The following UBR3 variants were observed in gnomAD, a reference collection of about 807,000 sequenced individuals.
UBR3 encodes ubiquitin protein ligase E3 component n-recognin 3, also known as E3 ubiquitin-protein ligase UBR3.
A neutral mutation model predicts 243.2 loss-of-function variants in UBR3; 85 were observed. That is an observed-to-expected ratio of 0.35 (90% CI 0.29 to 0.42). The LOEUF is 0.42. Ranked by LOEUF, UBR3 falls within the 10% of genes least tolerant of loss-of-function variation. The pLI is 1.00. For synonymous variants in UBR3, 748 were observed against 799.8 expected, an observed-to-expected ratio of 0.94 and a Z score of 1.09; for missense variants, 1,686 against 2,300.8, an observed-to-expected ratio of 0.73 and a Z score of 5.47.
At chr2:169,846,569 A>C (rs2082485666) in intron 1 of UBR3, among the ~76,000 whole-genome samples, 1 of 152,054 alleles carries the variant, frequency 6.6e-6, no homozygotes, top group Non-Finnish European at 1.5e-5. Flanking sequence ...AATTAGCCGG[A>C]CGTGGTGGCA....
At chr2:170,022,402 G>GA (rs992186695) in intron 30 of UBR3, among the ~76,000 whole-genome samples, 15 of 152,070 alleles carry the variant, frequency 9.9e-5, no homozygotes, top group African/African-American at 3.6e-4. Flanking sequence ...TCACATGGCA[G>GA]AAAAAACCTC....
In UBR3 at chr2:169,895,256, T is replaced by A; in HGVS notation, c.1181T>A (p.Phe394Tyr). 6.5e-7 allele frequency: 1 copy of A among 1,545,980 alleles called. No individual in the cohort carries two copies. Among genetic ancestry groups the A allele is most frequent in the South Asian group, 1.2e-5 (1 of 82,984 alleles). The change falls in exon 7 of 39, where the codon TTC becomes TAC. Residue 394 changes from phenylalanine to tyrosine, a missense_variant. Coordinates refer to ENST00000272793, the MANE Select transcript of UBR3 (RefSeq NM_172070.4). The part of the protein sequence containing the change: ...ELLFWTIKYE[F>Y]PQKMVTFLLN... The stretch of plus-strand genomic sequence containing the variant: ...TTATTTTGGACTATAAAATATGAAT[T>A]CCCTCAAAAGATGGTAACTTTCTTA...
chr2:169,978,376 T>G (rs2088563003), intron 24 of UBR3, among the ~76,000 whole-genome samples: 1 of 152,050 alleles, frequency 6.6e-6, no homozygotes, highest in African/African-American at 2.4e-5. Flanking sequence ...AGGGGTAGAT[T>G]TAGGTTGCCA....
At chr2:169,972,624 A>T (rs1367196115) in intron 24 of UBR3, among the ~76,000 whole-genome samples, 1 of 152,246 alleles carries the variant, frequency 6.6e-6, no homozygotes, top group Non-Finnish European at 1.5e-5. Context: ...GCAAATCAAT[A>T]AATGTAATCC....
intron 30 of UBR3, among the ~76,000 whole-genome samples, chr2:170,017,710 A>G (rs2090287618): frequency 6.6e-6 from 1 of 152,200 alleles, no homozygotes; most frequent in African/African-American, 2.4e-5. Context: ...ACATTTTTAA[A>G]TAGTTGAGAG....
In UBR3 at chr2:169,945,930, A is replaced by T. The variant is rs75193674; in HGVS notation, c.2806-358A>T. On this transcript the variant is annotated intron_variant, in intron 20 of 38. Coordinates refer to ENST00000272793, the MANE Select transcript of UBR3 (RefSeq NM_172070.4). ...TTAATTTTAGAGACATATTTTTAAG[A>T]ACATTAATGTACCATAAACATTTAT... 4.6e-3 allele frequency among the ~76,000 whole-genome samples: 694 copies of T among 152,266 alleles called. 5 individuals are homozygous for T. Among genetic ancestry groups the T allele is most frequent in the African/African-American group, 0.016 (653 of 41,560 alleles).
At chr2:169,953,021 G>A (rs780287465) in intron 23 of UBR3, among the ~76,000 whole-genome samples, 1 of 152,124 alleles carries the variant, frequency 6.6e-6, no homozygotes, top group Non-Finnish European at 1.5e-5. Context: ...TTTGAAAGAA[G>A]ATAAACAGTG....
intron 24 of UBR3, among the ~76,000 whole-genome samples, chr2:169,971,343 G>T (rs1324383802): frequency 6.6e-6 from 1 of 151,518 alleles, no homozygotes; most frequent in Non-Finnish European, 1.5e-5. Flanking sequence ...GATCCCATTT[G>T]TCAATTTTGG....
intron 1 of UBR3, among the ~76,000 whole-genome samples, chr2:169,848,241 C>CCCTT (rs1192175100): frequency 1.3e-5 from 2 of 151,406 alleles, no homozygotes; most frequent in Non-Finnish European, 2.9e-5. Flanking sequence ...AGGGGTTAAC[C>CCCTT]CAACGACCTG....
chr2:169,830,910 A>G (rs1328571698), intron 1 of UBR3, among the ~76,000 whole-genome samples: 1 of 151,410 alleles, frequency 6.6e-6, no homozygotes. Context: ...CGTGGATGAG[A>G]TGGAAGTCTG....
At chr2:170,027,081 C>T (rs1321568982) in intron 30 of UBR3, among the ~76,000 whole-genome samples, 1 of 151,634 alleles carries the variant, frequency 6.6e-6, no homozygotes, top group Non-Finnish European at 1.5e-5. Flanking sequence ...ATCATAAACC[C>T]CCCAAAAAGT....
rs189495153 is a variant in UBR3, at chr2:169,912,719, A to C, written c.1780-1341A>C. ...TATTTTCAATTTTCTGGAAATATACATAGGAATGGAATTGCTTGGTCTTAT... is the reference window on the plus strand; with the variant it reads ...TATTTTCAATTTTCTGGAAATATACCTAGGAATGGAATTGCTTGGTCTTAT... On this transcript the variant is annotated intron_variant, in intron 10 of 38. Transcript: ENST00000272793. Among the ~76,000 whole-genome samples, 442 of 152,252 alleles carry C rather than the reference A, an allele frequency of 2.9e-3. 2 individuals carry two copies. The highest frequency in any genetic ancestry group is 0.017 in the South Asian group (80 of 4,828).
In UBR3 at chr2:170,052,714, C is replaced by T. The variant is rs557133149; in HGVS notation, c.4661-2746C>T. Among the ~76,000 whole-genome samples the T allele has an allele frequency of 3.9e-5, 6 of 152,204 alleles. No homozygotes were observed. In the East Asian group the frequency reaches 5.8e-4, roughly 15 times the overall value. On this transcript the variant is annotated intron_variant, in intron 32 of 38. Coordinates refer to ENST00000272793, the MANE Select transcript of UBR3 (RefSeq NM_172070.4). ...GGGAAAATGGGGAGATGTTGGTCAACGGGTGTGTACTTTCAGTTATAAGAT... is the reference window on the plus strand; with the variant it reads ...GGGAAAATGGGGAGATGTTGGTCAATGGGTGTGTACTTTCAGTTATAAGAT...
chr2:169,829,652 C>T (rs1020535630), intron 1 of UBR3, among the ~76,000 whole-genome samples: 2 of 152,032 alleles, frequency 1.3e-5, no homozygotes, highest in Non-Finnish European at 2.9e-5. Flanking sequence ...CCCGAACTCC[C>T]GACCTCAGGT....
At chr2:169,828,217 G>T (rs1164445627) in intron 1 of UBR3, among the ~76,000 whole-genome samples, 165 bp downstream of exon 1, 9 of 152,122 alleles carry the variant, frequency 5.9e-5, no homozygotes, top group African/African-American at 1.4e-4. Context: ...CGGTGGAAAG[G>T]GGGTGGGGAG....
At chr2:169,845,420 C>T (rs2082430871) in intron 1 of UBR3, among the ~76,000 whole-genome samples, 1 of 135,996 alleles carries the variant, frequency 7.4e-6, no homozygotes, top group South Asian at 2.4e-4. Flanking sequence ...GAGACCCCAT[C>T]TCAAAAAAAA....
chr2:169,926,549 T>C lies in UBR3; in HGVS notation c.2152-143T>C, dbSNP rs2085916595. The C allele has an allele frequency of 8.8e-6, 7 of 793,166 alleles. No individual in the cohort carries two copies. In the South Asian group the frequency reaches 1.4e-4, roughly 16 times the overall value. The allele number at this position is 793,166 out of a possible 1,614,324, so 49.1% of individuals were successfully genotyped here. On this transcript the variant is annotated intron_variant, in intron 14 of 38. Transcript: ENST00000272793. ...GGTGGAGGTTGCAGTGAGCTGAGGTTGCACCAGCTTGGGTGAGAGTGAGAC... is the reference window on the plus strand; with the variant it reads ...GGTGGAGGTTGCAGTGAGCTGAGGTCGCACCAGCTTGGGTGAGAGTGAGAC...
chr2:169,833,185 A>T (rs1300071818), intron 1 of UBR3, among the ~76,000 whole-genome samples: 1 of 152,174 alleles, frequency 6.6e-6, no homozygotes, highest in African/African-American at 2.4e-5. Context: ...ATCCTTGTAT[A>T]AGTGGACCCT....
chr2:170,074,323 A>G (rs375562300), intron 36 of UBR3, among the ~76,000 whole-genome samples: 58 of 152,296 alleles, frequency 3.8e-4, no homozygotes, highest in African/African-American at 1.2e-3. Flanking sequence ...CTTGGTGACC[A>G]GATGTACATG....
Sources: gnomAD v4.1 joint callset for allele counts (sites outside exome capture counted in the v4.1 genomes callset) on GRCh38, gnomAD v4.1.1 for gene constraint, MANE v1.5 for transcripts, NCBI Gene and HGNC (gene_info 2026-07-23, HGNC 2026-07-21) for gene names.